CLIP1: variants seen among roughly 807,000 people sequenced by gnomAD.
The protein encoded by CLIP1 is CAP-Gly domain containing linker protein 1, also known as CAP-Gly domain-containing linker protein 1.
CLIP1 carries 66 observed loss-of-function variants against 161.6 expected under a neutral mutation model. The observed-to-expected ratio is 0.41, with a 90% CI of 0.33 to 0.50. CLIP1 has a LOEUF of 0.50. Among genes scored for constraint, CLIP1 ranks in the 20% least tolerant of loss-of-function variants. The probability of loss-of-function intolerance (pLI) is 0.27; values close to 1 mark genes in which losing one functional copy is unlikely to be tolerated. For synonymous variants in CLIP1, 598 were observed against 626.2 expected, an observed-to-expected ratio of 0.96 and a Z score of 0.67; for missense variants, 1,376 against 1,702.0, an observed-to-expected ratio of 0.81 and a Z score of 3.37.
chr12:122,417,044 T>C (rs1415663649), intron 1 of CLIP1, among the ~76,000 whole-genome samples: 1 of 152,054 alleles, frequency 6.6e-6, no homozygotes, highest in African/African-American at 2.4e-5. Context: ...ATGCCTGTAA[T>C]CCCAGCACTC....
chr12:122,377,605 T>C lies in CLIP1; in HGVS notation c.441A>G (p.Ser147=), dbSNP rs1345949597. The C allele has an allele frequency of 4.3e-6, 7 of 1,613,768 alleles. No individual in the cohort carries two copies. Among genetic ancestry groups the C allele is most frequent in the Non-Finnish European group, 3.4e-6 (4 of 1,179,992 alleles). ...LQTTPASRAT[S]PLCTSTASMV... ...TGCTGGCCGTAGAAGTGCACAGCGG[T>C]GAAGTAGCTCGGGAGGCGGGCGTTG... is the stretch of plus-strand genomic sequence containing the variant. Residue 147 remains serine, a synonymous_variant, in exon 3 of 26, where the codon TCA becomes TCG. Transcript: ENST00000620786.
intron 5 of CLIP1, among the ~76,000 whole-genome samples, chr12:122,360,581 G>C (rs12314651): frequency 6.6e-6 from 1 of 151,948 alleles, no homozygotes; most frequent in Admixed American, 6.6e-5. Context: ...GAGAGAGAGG[G>C]AGAGACAGAT....
chr12:122,403,095 T>C (rs902967194), intron 1 of CLIP1, among the ~76,000 whole-genome samples: 2 of 152,110 alleles, frequency 1.3e-5, no homozygotes, highest in African/African-American at 4.8e-5. Context: ...CAGGCCCCCC[T>C]GGATATGCAA....
At chr12:122,278,541 AC>A in intron 23 of CLIP1, 1 of 515,638 alleles carries the variant, frequency 1.9e-6, no homozygotes. Flanking sequence ...GTACTTTAAG[AC>A]CCCCCAGTCT....
At chr12:122,402,847 C>T (rs1371760368) in intron 1 of CLIP1, among the ~76,000 whole-genome samples, 4 of 152,152 alleles carry the variant, frequency 2.6e-5, no homozygotes, top group East Asian at 3.9e-4. Context: ...ATGTGATTAA[C>T]GTAAAATTAT....
At chr12:122,357,549 AGGG>A (rs1953491107) in intron 5 of CLIP1, among the ~76,000 whole-genome samples, 2 of 114,772 alleles carry the variant, frequency 1.7e-5, no homozygotes. Context: ...CCCGTCCGGG[AGGG>A]AGGTGGGGGG....
chr12:122,309,898 G>GT lies in CLIP1; in HGVS notation c.3474-17dup. On this transcript the variant is annotated splice_polypyrimidine_tract_variant and intron_variant, in intron 19 of 25. Coordinates refer to ENST00000620786, the MANE Select transcript of CLIP1 (RefSeq NM_001247997.2). Reference sequence around the variant, plus strand: ...TAGGGTTTCTCTGCAAGGACAGTGAGTGCAGGGTTACCATAGAAACAAGAC... The same window carrying GT: ...TAGGGTTTCTCTGCAAGGACAGTGAGTTGCAGGGTTACCATAGAAACAAGAC... The GT allele has an allele frequency of 1.9e-6, 3 of 1,613,584 alleles. No homozygotes were observed. The highest frequency in any genetic ancestry group is 2.5e-6 in the Non-Finnish European group (3 of 1,179,808).
At chr12:122,322,892 T>C (rs923506822) in intron 17 of CLIP1, 4 of 152,648 alleles carry the variant, frequency 2.6e-5, no homozygotes, top group African/African-American at 9.7e-5. Flanking sequence ...TATGTGAGTG[T>C]GTTCTTTTTC....
chr12:122,281,418 G>A (rs547271244), intron 21 of CLIP1, among the ~76,000 whole-genome samples: 56 of 152,084 alleles, frequency 3.7e-4, no homozygotes, highest in Non-Finnish European at 7.2e-4. Context: ...CAGGCGCGGT[G>A]TCTCATCCAT....
At chr12:122,420,690 C>G (rs1956908538) in intron 1 of CLIP1, among the ~76,000 whole-genome samples, 3 of 152,148 alleles carry the variant, frequency 2.0e-5, no homozygotes, top group African/African-American at 7.2e-5. Context: ...AATCCCAGCA[C>G]TTTGGGAGCC....
chr12:122,420,851 C>CTT (rs1295718247), intron 1 of CLIP1, among the ~76,000 whole-genome samples: 1 of 151,734 alleles, frequency 6.6e-6, no homozygotes, highest in Non-Finnish European at 1.5e-5. Context: ...ACGAGAATCG[C>CTT]TTAAACCTGG....
intron 10 of CLIP1, chr12:122,343,800 C>T (rs891569175): frequency 1.3e-5 from 2 of 152,206 alleles, no homozygotes; most frequent in African/African-American, 4.8e-5. Flanking sequence ...GCTATGCAGT[C>T]CATTTAGTAC....
chr12:122,350,208 A>G (rs1952965801), intron 9 of CLIP1, among the ~76,000 whole-genome samples: 1 of 152,110 alleles, frequency 6.6e-6, no homozygotes, highest in Non-Finnish European at 1.5e-5. Flanking sequence ...CCTGGCCAAA[A>G]GTTTAGTCTT....
chr12:122,321,416 T>C (rs1441452698), intron 17 of CLIP1, among the ~76,000 whole-genome samples: 3 of 151,854 alleles, frequency 2.0e-5, no homozygotes, highest in African/African-American at 7.3e-5. Context: ...TGGCGAATTT[T>C]TGTATTTTTA....
At position 122,377,656 on chromosome 12, in the gene CLIP1, T is replaced by C; in HGVS notation, c.390A>G (p.Ala130=). The C allele has an allele frequency of 6.2e-7, 1 of 1,613,814 alleles. No individual in the cohort carries two copies. Among genetic ancestry groups the C allele is most frequent in the Non-Finnish European group, 8.5e-7 (1 of 1,180,000 alleles). The change falls in exon 3 of 26, where the codon GCA becomes GCG. Residue 130 remains alanine, a synonymous_variant. Coordinates refer to ENST00000620786, the MANE Select transcript of CLIP1 (RefSeq NM_001247997.2). ...RPSKLTRKVQ[A]EDEANGLQTT... ...TCTGCAGGCCATTAGCTTCATCTTC[T>C]GCTTGCACCTTCCTTGTTAACTTTG...
At chr12:122,422,721 C>CCCGG (rs576719946), upstream of CLIP1, 71,018 of 137,396 alleles carry the variant, frequency 0.52, 20,438 homozygotes, top group Non-Finnish European at 0.63. Context: ...GCCGCGCCCG[C>CCCGG]CCGGCCGGCC....
intron 20 of CLIP1, among the ~76,000 whole-genome samples, chr12:122,294,342 A>AC (rs1566085858): frequency 7.0e-6 from 1 of 143,566 alleles, no homozygotes; most frequent in Non-Finnish European, 1.6e-5. Flanking sequence ...AAAAAAAAAA[A>AC]ACAAAAAAAA....
In CLIP1 at chr12:122,355,523, G is replaced by A; in HGVS notation, c.1006-211C>T. Reference sequence around the variant, plus strand: ...CACAAAGAATACATCAACGTAAAGAGATCAGCCAGGTGCGGTGGCTCATGC... The same window carrying A: ...CACAAAGAATACATCAACGTAAAGAAATCAGCCAGGTGCGGTGGCTCATGC... On this transcript the variant is annotated intron_variant, in intron 5 of 25. Transcript: ENST00000620786. The surrounding 1 kb of genome is among the most constrained non-coding windows in gnomAD (Gnocchi z 4.1). 1.8e-6 allele frequency: 1 copy of A among 546,016 alleles called. No individual in the cohort carries two copies. The highest frequency in any genetic ancestry group is 3.3e-6 in the Non-Finnish European group (1 of 304,280). The allele number at this position is 546,016 out of a possible 1,614,324, so 33.8% of individuals were successfully genotyped here. A position where few individuals can be genotyped will look rare whatever the true frequency, so the allele number is the denominator to read the frequency against.
chr12:122,307,948 C>T (rs1300725629), intron 20 of CLIP1, among the ~76,000 whole-genome samples: 1 of 152,206 alleles, frequency 6.6e-6, no homozygotes, highest in African/African-American at 2.4e-5. Context: ...TCCACCCATT[C>T]TTTAAAAGTA....
Sources: allele counts gnomAD v4.1 joint callset (sites outside exome capture counted in the v4.1 genomes callset), GRCh38; gene constraint gnomAD v4.1.1; non-coding constraint Gnocchi (gnomAD v3.1); transcripts MANE v1.5; gene names NCBI Gene and HGNC (gene_info 2026-07-23, HGNC 2026-07-21).